Variants in DOCK7 observed in about 807,000 individuals in gnomAD.
The protein encoded by DOCK7 is dedicator of cytokinesis 7, also known as dedicator of cytokinesis protein 7.
A neutral mutation model predicts 271.0 loss-of-function variants in DOCK7; 138 were observed. That is an observed-to-expected ratio of 0.51 (90% CI 0.44 to 0.59). The LOEUF (loss-of-function observed/expected upper bound fraction) is 0.59. Ranked by LOEUF, DOCK7 falls within the 20% of genes least tolerant of loss-of-function variation. The probability of loss-of-function intolerance (pLI) is 0.00; values close to 1 mark genes in which losing one functional copy is unlikely to be tolerated. For missense variants in DOCK7, 2,066 were observed against 2,592.4 expected (o/e 0.80, Z 4.41); for synonymous variants, 823 against 876.1 (o/e 0.94, Z 1.07).
chr1:62,504,200 T>C (rs879556873), intron 37 of DOCK7, among the ~76,000 whole-genome samples: 1 of 151,556 alleles, frequency 6.6e-6, no homozygotes, highest in Non-Finnish European at 1.5e-5. Context: ...TAAGCAAAAA[T>C]AAATGAACTA....
At chr1:62,656,573 T>C (rs1658040617) in intron 2 of DOCK7, among the ~76,000 whole-genome samples, 1 of 152,176 alleles carries the variant, frequency 6.6e-6, no homozygotes, top group African/African-American at 2.4e-5. Context: ...GAAGTACTTT[T>C]CTCTATTCTT....
At chr1:62,648,695 T>C (rs1367198892) in intron 4 of DOCK7, 151 bp from the exon 5 acceptor site, 2 of 432,706 alleles carry the variant, frequency 4.6e-6, no homozygotes, top group Non-Finnish European at 7.7e-6. Context: ...TAAAGAAAAT[T>C]TATATTCAAT....
chr1:62,620,738 G>A (rs1653088887), intron 12 of DOCK7, among the ~76,000 whole-genome samples: 1 of 151,808 alleles, frequency 6.6e-6, no homozygotes, highest in South Asian at 2.1e-4. Flanking sequence ...AAAAAAATTA[G>A]CCGGGCGGGA....
intron 14 of DOCK7, among the ~76,000 whole-genome samples, chr1:62,596,365 T>C (rs530517180): frequency 2.6e-5 from 4 of 152,174 alleles, no homozygotes; most frequent in Non-Finnish European, 4.4e-5. Flanking sequence ...CATATTAATA[T>C]GTCAAGATTA....
chr1:62,630,725 T>C (rs945135063), intron 11 of DOCK7, among the ~76,000 whole-genome samples: 1 of 152,118 alleles, frequency 6.6e-6, no homozygotes, highest in Non-Finnish European at 1.5e-5. Context: ...CAAAATGAGA[T>C]ATTTGAAGAT....
chr1:62,566,929 A>G (rs569126907), intron 18 of DOCK7, among the ~76,000 whole-genome samples: 46 of 152,398 alleles, frequency 3.0e-4, no homozygotes, highest in African/African-American at 1.1e-3. Context: ...TATGCAGCCA[A>G]GAGACACATG....
intron 22 of DOCK7, 99 bp from the exon 23 acceptor site, chr1:62,545,138 T>TTA (rs1183836276): frequency 5.1e-6 from 6 of 1,171,344 alleles, no homozygotes; most frequent in Non-Finnish European, 7.1e-6. Flanking sequence ...AATGCAAACA[T>TTA]GTTTTTAATT....
intron 18 of DOCK7, among the ~76,000 whole-genome samples, chr1:62,569,588 A>G (rs944642522): frequency 6.6e-6 from 1 of 152,186 alleles, no homozygotes; most frequent in African/African-American, 2.4e-5. Flanking sequence ...AACATACCTC[A>G]AAATAGTAAG....
At chr1:62,681,027 A>G (rs914417141) in intron 1 of DOCK7, among the ~76,000 whole-genome samples, 32 of 152,236 alleles carry the variant, frequency 2.1e-4, no homozygotes, top group African/African-American at 7.7e-4. Context: ...CAGCCATCCC[A>G]TTACTGGGTA....
At chr1:62,601,682 C>A in intron 14 of DOCK7, 1 of 972,468 alleles carries the variant, frequency 1.0e-6, no homozygotes, top group Non-Finnish European at 1.6e-6. Context: ...TTTGCCACAA[C>A]TTCATAAAAT....
intron 1 of DOCK7, among the ~76,000 whole-genome samples, chr1:62,670,913 G>T (rs1296795593): frequency 6.6e-6 from 1 of 152,138 alleles, no homozygotes; most frequent in Non-Finnish European, 1.5e-5. Flanking sequence ...TCTTGCTACT[G>T]CCCACTCTTT....
rs759663130 is a variant in DOCK7 at position 62,625,290 on chromosome 1, G to A, written c.1394C>T (p.Ala465Val). The change falls in exon 12 of 50, where the codon GCT becomes GTT. Residue 465 changes from alanine to valine, a missense_variant. Ala to Val is a moderately conservative substitution (Grantham distance 64, BLOSUM62 0). Around this residue, in one of 2 missense-constraint regions of DOCK7, gnomAD observed 1,414 missense variants for 1,670.4 expected, o/e 0.85. Transcript: ENST00000635253. Reference protein sequence around the residue: ...DACNLTSFRPATLTVTNFFKQ... With the variant: ...DACNLTSFRPVTLTVTNFFKQ... Reference sequence around the variant, plus strand: ...AAAAAAATTTGTCACTGTGAGAGTAGCTGGTCGAAAGCTCGTCAAGTTACA... The same window carrying A: ...AAAAAAATTTGTCACTGTGAGAGTAACTGGTCGAAAGCTCGTCAAGTTACA... 7.4e-6 allele frequency: 12 copies of A among 1,613,812 alleles called. No homozygotes were observed. Among genetic ancestry groups the A allele is most frequent in the African/African-American group, 1.3e-5 (1 of 74,882 alleles).
chr1:62,570,738 T>C (rs543328133), intron 18 of DOCK7, among the ~76,000 whole-genome samples: 4 of 151,968 alleles, frequency 2.6e-5, no homozygotes, highest in Non-Finnish European at 4.4e-5. Context: ...ATAGAGAACT[T>C]AGAAATAAGA....
intron 33 of DOCK7, among the ~76,000 whole-genome samples, chr1:62,512,007 A>C (rs1353738264): frequency 1.3e-5 from 2 of 152,216 alleles, no homozygotes; most frequent in East Asian, 3.8e-4. Flanking sequence ...TAAGACAAGA[A>C]GACTTCAATT....
At chr1:62,674,593 G>A (rs1660348924) in intron 1 of DOCK7, among the ~76,000 whole-genome samples, 1 of 152,108 alleles carries the variant, frequency 6.6e-6, no homozygotes, top group Admixed American at 6.6e-5. Context: ...GCACTGTACT[G>A]GTATAAGGAT....
intron 31 of DOCK7, among the ~76,000 whole-genome samples, chr1:62,516,372 C>T (rs1008791496): frequency 6.6e-6 from 1 of 151,996 alleles, no homozygotes; most frequent in Non-Finnish European, 1.5e-5. Flanking sequence ...TTAAGCCCTA[C>T]AAAAAAGGAT....
At chr1:62,588,780 G>A (rs568529757) in intron 14 of DOCK7, among the ~76,000 whole-genome samples, 12 of 151,722 alleles carry the variant, frequency 7.9e-5, no homozygotes, top group African/African-American at 1.7e-4. Context: ...TCACTCTGTC[G>A]CTCAGGCTGA....
intron 1 of DOCK7, among the ~76,000 whole-genome samples, chr1:62,672,935 T>C (rs1051948350): frequency 3.9e-5 from 6 of 152,092 alleles, no homozygotes; most frequent in Admixed American, 3.9e-4. Context: ...GTTAAAGATA[T>C]CCAGTAAAAA....
intron 38 of DOCK7, among the ~76,000 whole-genome samples, 153 bp downstream of exon 38, chr1:62,496,184 CAA>C (rs779380781): frequency 6.6e-6 from 1 of 152,098 alleles, no homozygotes; most frequent in Non-Finnish European, 1.5e-5. Context: ...CTTAATAAAA[CAA>C]AGAGATTCAG....
Sources: allele counts gnomAD v4.1 joint callset (sites outside exome capture counted in the v4.1 genomes callset), GRCh38; gene constraint gnomAD v4.1.1; regional missense constraint gnomAD v4.1.1; transcripts MANE v1.5; gene names NCBI Gene and HGNC (gene_info 2026-07-23, HGNC 2026-07-21).